Variants in TOM1L1 observed in about 807,000 individuals in gnomAD.
TOM1L1 encodes target of myb1 like 1 membrane trafficking protein.
Under a neutral mutation model 63.4 loss-of-function variants are expected in TOM1L1, and 64 were observed. The ratio of observed to expected loss-of-function variants is 1.01; its 90% CI spans 0.83 to 1.24. TOM1L1 has a LOEUF of 1.24. Ranked by LOEUF, TOM1L1 falls within the 50% of genes most tolerant of loss-of-function variation. The pLI, the probability that TOM1L1 is intolerant of heterozygous loss-of-function variation, is 0.00. For missense variants in TOM1L1, 536 were observed against 567.0 expected (o/e 0.95, Z 0.55); for synonymous variants, 166 against 194.4 (o/e 0.85, Z 1.22).
chr17:54,960,514 T>C, intron 14 of TOM1L1, 52 bp from the exon 15 acceptor site: 1 of 1,468,638 alleles, frequency 6.8e-7, no homozygotes. Context: ...AAAACCAAAA[T>C]AGCACTTTGA....
intron 5 of TOM1L1, 87 bp from the exon 6 acceptor site, chr17:54,914,552 G>A (rs1484012320): frequency 1.0e-6 from 1 of 1,003,154 alleles, no homozygotes; most frequent in African/African-American, 1.6e-5. Context: ...GACTTTGAGA[G>A]TGCTTGAGTT....
intron 7 of TOM1L1, among the ~76,000 whole-genome samples, chr17:54,919,322 A>AGTTCCACCTG (rs2048643350): frequency 6.6e-6 from 1 of 152,228 alleles, no homozygotes; most frequent in Admixed American, 6.5e-5. Flanking sequence ...CAATATTTCT[A>AGTTCCACCTG]GTTCCACCTG....
intron 7 of TOM1L1, among the ~76,000 whole-genome samples, chr17:54,921,939 T>G (rs1459606081): frequency 6.6e-6 from 1 of 152,148 alleles, no homozygotes. Context: ...ACATATTATG[T>G]ATGTTATATA....
At chr17:54,916,717 A>G (rs930678724) in intron 7 of TOM1L1, 28 of 152,022 alleles carry the variant, frequency 1.8e-4, no homozygotes, top group Non-Finnish European at 3.4e-4. Flanking sequence ...TTCCTTGCTC[A>G]TTTCTTATTT....
chr17:54,923,607 G>A (rs1014584471), intron 7 of TOM1L1, among the ~76,000 whole-genome samples: 11 of 151,470 alleles, frequency 7.3e-5, no homozygotes, highest in African/African-American at 1.2e-4. Context: ...GTGCAGTGGC[G>A]CGATCTCGGC....
Position 54,903,696 on chromosome 17 carries a change from T to C in TOM1L1, c.59-12T>C. The C allele has an allele frequency of 3.7e-6, 6 of 1,613,742 alleles. No homozygotes were observed. The highest frequency in any genetic ancestry group is 5.1e-6 in the Non-Finnish European group (6 of 1,179,626). The stretch of plus-strand genomic sequence containing the variant: ...CTGTTGTAGCTCAGACTCAACAGCT[T>C]TTTCTTGGCAGAAAAGGCTACATTT... On this transcript the variant is annotated splice_polypyrimidine_tract_variant and intron_variant, in intron 1 of 15. Coordinates refer to ENST00000575882, the MANE Select transcript of TOM1L1 (RefSeq NM_005486.3).
chr17:54,956,465 C>T (rs1459499200), intron 14 of TOM1L1, among the ~76,000 whole-genome samples: 3 of 152,102 alleles, frequency 2.0e-5, no homozygotes, highest in African/African-American at 7.2e-5. Context: ...GCCACCACGC[C>T]TGGCTAATTT....
intron 8 of TOM1L1, among the ~76,000 whole-genome samples, chr17:54,934,713 A>ATTTTTT (rs60173487): frequency 2.7e-5 from 4 of 147,414 alleles, no homozygotes; most frequent in Non-Finnish European, 4.5e-5. Context: ...AACTAGATGG[A>ATTTTTT]TTTTTTTTTT....
chr17:54,954,067 C>G (rs1225589177), intron 14 of TOM1L1: 1 of 152,156 alleles, frequency 6.6e-6, no homozygotes, highest in African/African-American at 2.4e-5. Flanking sequence ...ACTCTTGATT[C>G]TTGTTATCAC....
intron 14 of TOM1L1, among the ~76,000 whole-genome samples, chr17:54,951,049 C>T (rs2049219986): frequency 6.6e-6 from 1 of 152,174 alleles, no homozygotes; most frequent in Non-Finnish European, 1.5e-5. Context: ...GTCCCCACCA[C>T]CCCGACACCT....
intron 15 of TOM1L1, 177 bp from the exon 16 acceptor site, chr17:54,961,058 G>T (rs1411564668): frequency 8.2e-6 from 5 of 611,130 alleles, no homozygotes; most frequent in Non-Finnish European, 1.4e-5. Flanking sequence ...GGTCACCAAT[G>T]AACTATCAAA....
Position 54,961,224 on chromosome 17 carries a change from C to A in TOM1L1, c.*2-11C>A. ...GGATGAATACTGGCCATTTTCTTCT[C>A]TTTATTTTAGAAGAAAGTGGATGAT... On this transcript the variant is annotated splice_polypyrimidine_tract_variant and intron_variant, in intron 15 of 15. Coordinates refer to ENST00000575882, the MANE Select transcript of TOM1L1 (RefSeq NM_005486.3). 6.7e-7 allele frequency: 1 copy of A among 1,503,394 alleles called. No individual in the cohort carries two copies. The highest frequency in any genetic ancestry group is 9.1e-7 in the Non-Finnish European group (1 of 1,102,930). 93.1% of individuals were successfully genotyped at this position (1,503,394 alleles called of 1,614,324 possible).
chr17:54,909,131 T>G (rs1315113504), intron 3 of TOM1L1, among the ~76,000 whole-genome samples: 1 of 152,102 alleles, frequency 6.6e-6, no homozygotes, highest in African/African-American at 2.4e-5. Context: ...TGGTGGCATG[T>G]GACTGTAATC....
At position 54,947,250 on chromosome 17, in the gene TOM1L1, C is replaced by T. The variant is rs918149775; in HGVS notation, c.1131-11C>T. ...GTAGGGTAATCATTCTGTGTTATCA[C>T]ACTATCCTAGGTTTGCCCAAAGGAC... On this transcript the variant is annotated splice_polypyrimidine_tract_variant and intron_variant, in intron 11 of 15. Transcript: ENST00000575882. 2 of 1,613,718 alleles carry T rather than the reference C, an allele frequency of 1.2e-6. No homozygotes were observed. Among genetic ancestry groups the T allele is most frequent in the Non-Finnish European group, 1.7e-6 (2 of 1,179,788 alleles).
At chr17:54,925,009 T>A (rs2048745223) in intron 7 of TOM1L1, among the ~76,000 whole-genome samples, 1 of 152,240 alleles carries the variant, frequency 6.6e-6, no homozygotes, top group Admixed American at 6.5e-5. Flanking sequence ...CCTTGACCTA[T>A]TTGTGCCTAA....
rs762358009 is a variant in TOM1L1 at position 54,950,068 on chromosome 17, C to A, written c.1312C>A (p.Pro438Thr). 1 of 1,613,908 alleles carries A rather than the reference C, an allele frequency of 6.2e-7. No individual in the cohort carries two copies. The highest frequency in any genetic ancestry group is 8.5e-7 in the Non-Finnish European group (1 of 1,179,892). ...HPAMTKSDLQ[P>T]PNYYEVMEFD... ...AGCGATGACAAAAAGTGATCTCCAG[C>A]CACCTAATTACTACGAGGTAATGGA... is the stretch of plus-strand genomic sequence containing the variant. Residue 438 changes from proline to threonine, a missense_variant, in exon 14 of 16, where the codon CCA becomes ACA. By Grantham distance (38) the Pro-to-Thr change is conservative. Transcript: ENST00000575882.
Position 54,914,713 on chromosome 17 carries a change from G to T in TOM1L1, c.573G>T (p.Lys191Asn), listed in dbSNP as rs748126742. ...CTCTTTCTTCTGTAATTGCTCCAAA[G>T]AACTCGACTGTTACATTGGTCCCAG... ...APALSSVIAP[K>N]NSTVTLVPEQ... Residue 191 changes from lysine to asparagine, a missense_variant, in exon 6 of 16, where the codon AAG becomes AAT. By Grantham distance (94) the Lys-to-Asn change is moderately conservative. Coordinates refer to ENST00000575882, the MANE Select transcript of TOM1L1 (RefSeq NM_005486.3). The T allele has an allele frequency of 6.2e-7, 1 of 1,613,578 alleles. No individual in the cohort carries two copies. The highest frequency in any genetic ancestry group is 1.1e-5 in the South Asian group (1 of 91,068).
Position 54,939,004 on chromosome 17 carries a change from A to C in TOM1L1, c.1114A>C (p.Asn372His). 1 of 1,608,000 alleles carries C rather than the reference A, an allele frequency of 6.2e-7. No individual in the cohort carries two copies. The highest frequency in any genetic ancestry group is 8.5e-7 in the Non-Finnish European group (1 of 1,175,006). The change falls in exon 11 of 16, where the codon AAT becomes CAT. Residue 372 changes from asparagine to histidine, a missense_variant. Asn to His is a moderately conservative substitution (Grantham distance 68). Coordinates refer to ENST00000575882, the MANE Select transcript of TOM1L1 (RefSeq NM_005486.3). ...ACAGATGAACTTGCTAGCCTTGGAG[A>C]ATACAGAGATACCCCCGTAAGTATG... ...HPQMNLLALENTEIPPFAQRT... is the reference protein window; with the variant it reads ...HPQMNLLALEHTEIPPFAQRT...
intron 11 of TOM1L1, among the ~76,000 whole-genome samples, chr17:54,941,306 G>C (rs577050666): frequency 6.6e-6 from 1 of 152,260 alleles, no homozygotes; most frequent in South Asian, 2.1e-4. Context: ...ATATTTAAAA[G>C]GGGGAGGGGC....
Sources: gnomAD v4.1 joint callset for allele counts (sites outside exome capture counted in the v4.1 genomes callset) on GRCh38, gnomAD v4.1.1 for gene constraint, MANE v1.5 for transcripts, NCBI Gene and HGNC (gene_info 2026-07-23, HGNC 2026-07-21) for gene names.